The following LINGO2 variants were observed in gnomAD, a reference collection of about 807,000 sequenced individuals.
LINGO2 encodes leucine rich repeat and Ig domain containing 2.
LINGO2 carries 14 observed loss-of-function variants against 30.6 expected under a neutral mutation model. The observed-to-expected ratio is 0.46, with a 90% CI of 0.30 to 0.72. The LOEUF (loss-of-function observed/expected upper bound fraction) is 0.72. Among genes scored for constraint, LINGO2 ranks in the 30% least tolerant of loss-of-function variants. The pLI, the probability that LINGO2 is intolerant of heterozygous loss-of-function variation, is 0.07. For missense variants in LINGO2, 729 were observed against 751.7 expected, an observed-to-expected ratio of 0.97 and a Z score of 0.35; for synonymous variants, 317 against 288.5, an observed-to-expected ratio of 1.10 and a Z score of -1.00.
intron 1 of LINGO2, among the ~76,000 whole-genome samples, chr9:28,632,661 CTATATAAAA>C (rs1827005115): frequency 9.5e-6 from 1 of 105,162 alleles, no homozygotes; most frequent in Non-Finnish European, 2.0e-5. Flanking sequence ...GATATTTTAT[CTATATAAAA>C]TATCTATATA....
At chr9:27,986,592 T>C (rs1272249973) in intron 5 of LINGO2, among the ~76,000 whole-genome samples, 1 of 151,896 alleles carries the variant, frequency 6.6e-6, no homozygotes, top group African/African-American at 2.4e-5. Flanking sequence ...TCACTGCTCT[T>C]GCACGAGAAT....
the LINGO2 span, among the ~76,000 whole-genome samples, chr9:28,812,346 C>T: frequency 6.6e-6 from 1 of 151,958 alleles, no homozygotes; most frequent in Admixed American, 6.6e-5. Context: ...ATAAATGTAT[C>T]TAAATTTTTT....
chr9:29,056,695 A>G, the LINGO2 span, among the ~76,000 whole-genome samples: 4 of 152,020 alleles, frequency 2.6e-5, no homozygotes, highest in African/African-American at 9.7e-5. Flanking sequence ...TTCCAATGTT[A>G]TCTTTCAGGA....
intron 4 of LINGO2, among the ~76,000 whole-genome samples, chr9:28,039,473 C>T (rs1824099937): frequency 6.6e-6 from 1 of 151,912 alleles, no homozygotes; most frequent in Admixed American, 6.6e-5. Flanking sequence ...AAAGGAGATG[C>T]CATCTAGGTT....
chr9:28,554,010 G>A (rs1822481354), intron 1 of LINGO2, among the ~76,000 whole-genome samples: 1 of 152,060 alleles, frequency 6.6e-6, no homozygotes, highest in Non-Finnish European at 1.5e-5. Context: ...GCTAAACTTA[G>A]AAAGGAACAA....
At chr9:28,953,992 A>G in the LINGO2 span, among the ~76,000 whole-genome samples, 1 of 152,094 alleles carries the variant, frequency 6.6e-6, no homozygotes, top group African/African-American at 2.4e-5. Flanking sequence ...ACTAAAAATT[A>G]CTCTTGTTAA....
exon 6 of LINGO2, chr9:27,949,705 G>A (rs981766754): frequency 5.6e-6 from 9 of 1,614,020 alleles, no homozygotes; most frequent in Non-Finnish European, 7.6e-6. Context: ...AGCACGCGTA[G>A]GAAGCGGAGC....
chr9:28,772,281 G>A, the LINGO2 span, among the ~76,000 whole-genome samples: 2 of 152,108 alleles, frequency 1.3e-5, no homozygotes, highest in South Asian at 2.1e-4. Flanking sequence ...CAGTCAGACC[G>A]CGGTCTCAGG....
At chr9:28,989,824 T>G in the LINGO2 span, among the ~76,000 whole-genome samples, 2 of 152,222 alleles carry the variant, frequency 1.3e-5, no homozygotes, top group Admixed American at 1.3e-4. Flanking sequence ...TGTAAATGTT[T>G]GCACATAAAA....
At chr9:28,154,292 A>G (rs986159581) in intron 4 of LINGO2, among the ~76,000 whole-genome samples, 2 of 152,192 alleles carry the variant, frequency 1.3e-5, no homozygotes, top group African/African-American at 4.8e-5. Context: ...AATTGGAGAC[A>G]TTGGGTCATA....
chr9:28,092,196 G>T (rs1447949207), intron 4 of LINGO2, among the ~76,000 whole-genome samples: 3 of 152,120 alleles, frequency 2.0e-5, no homozygotes, highest in Non-Finnish European at 2.9e-5. Context: ...CCATTACTGG[G>T]TATATACCCA....
intron 4 of LINGO2, among the ~76,000 whole-genome samples, chr9:28,282,364 T>A (rs747902394): frequency 5.3e-5 from 8 of 151,798 alleles, no homozygotes; most frequent in Non-Finnish European, 1.0e-4. Context: ...TGTGCAGAAT[T>A]TAGGACAAAT....
intron 4 of LINGO2, among the ~76,000 whole-genome samples, chr9:28,224,487 A>G (rs182541515): frequency 6.6e-6 from 1 of 152,250 alleles, no homozygotes; most frequent in Non-Finnish European, 1.5e-5. Context: ...CGCCACAAAT[A>G]TTTACCTTTT....
At chr9:28,647,308 T>G (rs906277217) in intron 1 of LINGO2, among the ~76,000 whole-genome samples, 1 of 152,056 alleles carries the variant, frequency 6.6e-6, no homozygotes. Flanking sequence ...AATGTATAAG[T>G]TAATTGTTTC....
chr9:29,025,933 C>G, the LINGO2 span, among the ~76,000 whole-genome samples: 32 of 152,246 alleles, frequency 2.1e-4, no homozygotes, highest in African/African-American at 7.5e-4. Context: ...AACAAAATGT[C>G]TCCCAGGTTA....
At chr9:28,193,796 G>A (rs1489347189) in intron 4 of LINGO2, among the ~76,000 whole-genome samples, 1 of 152,152 alleles carries the variant, frequency 6.6e-6, no homozygotes, top group African/African-American at 2.4e-5. Context: ...TTCATGTGGA[G>A]GCTGCAGTGG....
chr9:28,299,201 G>A (rs1824043268), intron 3 of LINGO2, among the ~76,000 whole-genome samples: 1 of 152,118 alleles, frequency 6.6e-6, no homozygotes, highest in Non-Finnish European at 1.5e-5. Flanking sequence ...AGCATTCAGT[G>A]AGTTCAATGC....
At chr9:28,781,273 T>TGCC in the LINGO2 span, among the ~76,000 whole-genome samples, 3 of 152,140 alleles carry the variant, frequency 2.0e-5, no homozygotes, top group Non-Finnish European at 2.9e-5. Context: ...TGCAGCCAGA[T>TGCC]GCCGGGCTCT....
chr9:28,246,318 G>T (rs1043979652), intron 4 of LINGO2, among the ~76,000 whole-genome samples: 8 of 152,036 alleles, frequency 5.3e-5, no homozygotes, highest in African/African-American at 1.9e-4. Context: ...CAGCTACCTG[G>T]GAGGCTGAGG....
Sources: gnomAD v4.1 joint callset for allele counts (sites outside exome capture counted in the v4.1 genomes callset) on GRCh38, gnomAD v4.1.1 for gene constraint, MANE v1.5 for transcripts, NCBI Gene and HGNC (gene_info 2026-07-23, HGNC 2026-07-21) for gene names.